Variants in PLA2G4C observed in about 807,000 individuals in gnomAD.
PLA2G4C encodes the protein phospholipase A2 group IVC.
PLA2G4C carries 64 observed loss-of-function variants against 73.8 expected under a neutral mutation model. The observed-to-expected ratio is 0.87, with a 90% CI of 0.71 to 1.07. The LOEUF (loss-of-function observed/expected upper bound fraction) is 1.07. Ranked by LOEUF, PLA2G4C falls within the 50% of genes least tolerant of loss-of-function variation. The pLI, the probability that PLA2G4C is intolerant of heterozygous loss-of-function variation, is 0.00. For synonymous variants in PLA2G4C, 254 were observed against 252.1 expected, an observed-to-expected ratio of 1.01 and a Z score of -0.07; for missense variants, 622 against 665.4, an observed-to-expected ratio of 0.93 and a Z score of 0.72.
At chr19:48,106,116 C>T (rs1040794795) in intron 2 of PLA2G4C, among the ~76,000 whole-genome samples, 3 of 150,024 alleles carry the variant, frequency 2.0e-5, no homozygotes, top group African/African-American at 7.4e-5. Context: ...CAGGGTCTTG[C>T]TCTGTTGCCC....
chr19:48,051,927 T>C (rs930584638), intron 16 of PLA2G4C: 1 of 147,472 alleles, frequency 6.8e-6, no homozygotes, highest in Admixed American at 6.9e-5. Flanking sequence ...TCGCCCAGCC[T>C]GGAGTGGGGT....
intron 9 of PLA2G4C, among the ~76,000 whole-genome samples, chr19:48,086,076 T>C (rs2030956972): frequency 6.6e-6 from 1 of 152,144 alleles, no homozygotes; most frequent in Admixed American, 6.5e-5. Context: ...GGAGGTGAAC[T>C]TCTCCACCCA....
At chr19:48,083,575 G>A (rs1178890725) in intron 10 of PLA2G4C, among the ~76,000 whole-genome samples, 2 of 150,570 alleles carry the variant, frequency 1.3e-5, no homozygotes, top group Non-Finnish European at 3.0e-5. Flanking sequence ...AGCTTCCCGT[G>A]TAGCTGGGAT....
intron 2 of PLA2G4C, 76 bp from the exon 3 acceptor site, chr19:48,105,520 C>T: frequency 1.7e-6 from 2 of 1,163,104 alleles, no homozygotes; most frequent in Non-Finnish European, 1.3e-6. Context: ...TGACCTAGAA[C>T]TGGGCTGTCC....
intron 13 of PLA2G4C, among the ~76,000 whole-genome samples, chr19:48,065,620 TAATA>T (rs1234646737): frequency 4.0e-5 from 6 of 151,482 alleles, no homozygotes; most frequent in African/African-American, 9.7e-5. Flanking sequence ...TAAAAATAAT[TAATA>T]AATAAATATA....
At chr19:48,054,747 A>C in intron 15 of PLA2G4C, 131 bp downstream of exon 15, 1 of 855,916 alleles carries the variant, frequency 1.2e-6, no homozygotes, top group Admixed American at 2.4e-5. Flanking sequence ...AGGCCTCTCA[A>C]TCCATGCTGA....
At chr19:48,106,087 C>T (rs1009084071) in intron 2 of PLA2G4C, among the ~76,000 whole-genome samples, 2 of 147,898 alleles carry the variant, frequency 1.4e-5, no homozygotes, top group Admixed American at 6.9e-5. Flanking sequence ...ACCTCCACCT[C>T]CCCGGTTCAA....
chr19:48,088,092 G>A (rs2031088666), intron 9 of PLA2G4C, among the ~76,000 whole-genome samples: 1 of 152,140 alleles, frequency 6.6e-6, no homozygotes, highest in Admixed American at 6.6e-5. Flanking sequence ...CCTGAAGCCT[G>A]AACCATCAAA....
At position 48,048,173 on chromosome 19, in the gene PLA2G4C, T is replaced by C; in HGVS notation, c.*170A>G. 3 of 579,072 alleles carry C rather than the reference T, an allele frequency of 5.2e-6. No homozygotes were observed. Among genetic ancestry groups the C allele is most frequent in the Non-Finnish European group, 9.0e-6 (3 of 331,754 alleles). 35.9% of individuals were successfully genotyped at this position (579,072 alleles called of 1,614,324 possible). On this transcript the variant is annotated 3_prime_UTR_variant, in exon 17 of 17. Coordinates refer to ENST00000599921, the MANE Select transcript of PLA2G4C (RefSeq NM_003706.3). ...GGACGCCTTCTTCTGAATGACGCTATCAAAATCACAGTCTAGCTGGTCACT... is the reference window on the plus strand; with the variant it reads ...GGACGCCTTCTTCTGAATGACGCTACCAAAATCACAGTCTAGCTGGTCACT...
chr19:48,080,803 C>CAAA (rs200460762), intron 10 of PLA2G4C, among the ~76,000 whole-genome samples: 36 of 115,762 alleles, frequency 3.1e-4, no homozygotes, highest in Admixed American at 2.5e-3. Flanking sequence ...GACTCTGCCT[C>CAAA]AAAAAAAAAA....
rs370172459 is a variant in PLA2G4C at position 48,081,342 on chromosome 19, C to G, written c.845-3518G>C. 1.2e-4 allele frequency among the ~76,000 whole-genome samples: 19 copies of G among 152,192 alleles called. No homozygotes were observed. In the South Asian group the frequency reaches 3.9e-3, roughly 32 times the overall value. On this transcript the variant is annotated intron_variant, in intron 10 of 16. Coordinates refer to ENST00000599921, the MANE Select transcript of PLA2G4C (RefSeq NM_003706.3). ...AGTAAAGTAACTCAGGAATGTAAAACCAAAAACCATATGTTCTCACTTATA... is the reference window on the plus strand; with the variant it reads ...AGTAAAGTAACTCAGGAATGTAAAAGCAAAAACCATATGTTCTCACTTATA...
chr19:48,091,883 CAAAAAAAAAAAAA>C (rs35118449), intron 7 of PLA2G4C, among the ~76,000 whole-genome samples: 473 of 21,106 alleles, frequency 0.022, 23 homozygotes, highest in East Asian at 0.2. Context: ...GACTCCATCT[CAAAAAAAAAAAAA>C]AAAAAAAAAA....
intron 4 of PLA2G4C, among the ~76,000 whole-genome samples, chr19:48,102,339 A>AG (rs2031963988): frequency 1.3e-5 from 2 of 151,890 alleles, no homozygotes; most frequent in South Asian, 4.3e-4. Context: ...AAAAATACAA[A>AG]AATTAGCTGG....
intron 5 of PLA2G4C, among the ~76,000 whole-genome samples, chr19:48,099,130 C>T (rs251674): frequency 0.41 from 61,398 of 151,012 alleles, 13,026 homozygotes; most frequent in African/African-American, 0.5. Context: ...TAGCCAGGCA[C>T]GATGGTGCAT....
At chr19:48,074,431 G>A (rs1235880407) in intron 12 of PLA2G4C, 3 of 322,688 alleles carry the variant, frequency 9.3e-6, no homozygotes, top group Non-Finnish European at 1.8e-5. Flanking sequence ...TGTGAATAGT[G>A]CTGCAGTGAA....
intron 14 of PLA2G4C, 74 bp from the exon 15 acceptor site, chr19:48,055,123 A>C: frequency 7.6e-7 from 1 of 1,316,446 alleles, no homozygotes; most frequent in Non-Finnish European, 1.1e-6. Flanking sequence ...TGGGGCCTGG[A>C]GACCCAATGG....
chr19:48,102,247 T>C (rs144419830), intron 4 of PLA2G4C, among the ~76,000 whole-genome samples: 2,226 of 152,058 alleles, frequency 0.015, 49 homozygotes, highest in African/African-American at 0.051. Context: ...TTCCAGCACT[T>C]TGGGAAGCCA....
chr19:48,082,237 C>G (rs998876217), intron 10 of PLA2G4C, among the ~76,000 whole-genome samples: 2 of 146,880 alleles, frequency 1.4e-5, no homozygotes. Flanking sequence ...CAAAAAAAAA[C>G]AAAAAAATCT....
In PLA2G4C at chr19:48,052,864, C is replaced by T. The variant is rs1967777540; in HGVS notation, c.1580+133G>A. ...TCATGGTCTGTCCCCTGCTGAGACG[C>T]AAGCTCAAGTAGGGGAGACACTGCC... On this transcript the variant is annotated intron_variant, in intron 16 of 16. Coordinates refer to ENST00000599921, the MANE Select transcript of PLA2G4C (RefSeq NM_003706.3). 3.3e-6 allele frequency: 3 copies of T among 903,794 alleles called. No homozygotes were observed. In the Admixed American group the frequency reaches 7.5e-5, roughly 23 times the overall value. 56.0% of individuals were successfully genotyped at this position (903,794 alleles called of 1,614,324 possible).
Sources: gnomAD v4.1 joint callset for allele counts (sites outside exome capture counted in the v4.1 genomes callset) on GRCh38, gnomAD v4.1.1 for gene constraint, MANE v1.5 for transcripts, NCBI Gene and HGNC (gene_info 2026-07-23, HGNC 2026-07-21) for gene names.